ATP2B4: variants seen among roughly 807,000 people sequenced by gnomAD.
ATP2B4 encodes ATPase plasma membrane Ca2+ transporting 4.
ATP2B4 carries 39 observed loss-of-function variants against 110.3 expected under a neutral mutation model. The ratio of observed to expected loss-of-function variants is 0.35; its 90% CI spans 0.27 to 0.46. The LOEUF (loss-of-function observed/expected upper bound fraction) is 0.46. Among genes scored for constraint, ATP2B4 ranks in the 20% least tolerant of loss-of-function variants. The probability of loss-of-function intolerance (pLI) is 1.00; values close to 1 mark genes in which losing one functional copy is unlikely to be tolerated. For synonymous variants in ATP2B4, 538 were observed against 571.7 expected (o/e 0.94, Z 0.84); for missense variants, 1,135 against 1,530.9 (o/e 0.74, Z 4.32).
chr1:203,698,068 A>G, intron 2 of ATP2B4, 89 bp from the exon 3 acceptor site: 1 of 1,134,374 alleles, frequency 8.8e-7, no homozygotes, highest in Non-Finnish European at 1.3e-6. Context: ...GTGTAATGAC[A>G]TGATCATGGC....
intron 10 of ATP2B4, among the ~76,000 whole-genome samples, chr1:203,709,028 G>T (rs1156271387): frequency 1.3e-5 from 2 of 152,070 alleles, no homozygotes; most frequent in Admixed American, 6.5e-5. Flanking sequence ...ATGGTGGCAG[G>T]TACCTGTAGT....
intron 2 of ATP2B4, among the ~76,000 whole-genome samples, chr1:203,696,187 A>G (rs971316072): frequency 2.0e-5 from 3 of 152,004 alleles, no homozygotes; most frequent in African/African-American, 4.8e-5. Context: ...TTGGCCTCCC[A>G]AAGTGCTGGG....
At chr1:203,692,826 C>T (rs1665423272) in intron 2 of ATP2B4, among the ~76,000 whole-genome samples, 1 of 152,176 alleles carries the variant, frequency 6.6e-6, no homozygotes, top group African/African-American at 2.4e-5. Flanking sequence ...ACAAATATTC[C>T]ACTGCTGTTT....
At chr1:203,724,532 A>C (rs2102220876) in intron 19 of ATP2B4, among the ~76,000 whole-genome samples, 1 of 152,212 alleles carries the variant, frequency 6.6e-6, no homozygotes, top group Non-Finnish European at 1.5e-5. Flanking sequence ...GAAAAAAAAA[A>C]GAAAAATCCC....
chr1:203,724,990 G>A lies in ATP2B4; in HGVS notation c.3132+1002G>A. Among the ~76,000 whole-genome samples, 2 of 147,314 alleles carry A rather than the reference G, an allele frequency of 1.4e-5. 1 individual carries two copies. On this transcript the variant is annotated intron_variant, in intron 19 of 20. Transcript: ENST00000357681. Reference sequence around the variant, plus strand: ...CTCCTGGGTTCAAGCAATTTCTCCTGCCTCAGCCTCCCAAGTAGCTGGGAT... The same window carrying A: ...CTCCTGGGTTCAAGCAATTTCTCCTACCTCAGCCTCCCAAGTAGCTGGGAT...
intron 10 of ATP2B4, among the ~76,000 whole-genome samples, chr1:203,708,654 C>T (rs910016064): frequency 6.6e-6 from 1 of 152,052 alleles, no homozygotes; most frequent in Non-Finnish European, 1.5e-5. Context: ...CCCAGGAGTT[C>T]GAGACCAGCC....
intron 1 of ATP2B4, among the ~76,000 whole-genome samples, chr1:203,634,825 G>A (rs1663389209): frequency 6.6e-6 from 1 of 151,958 alleles, no homozygotes; most frequent in Non-Finnish European, 1.5e-5. Flanking sequence ...TATCATGCCT[G>A]GCTAATTTTC....
intron 2 of ATP2B4, among the ~76,000 whole-genome samples, chr1:203,688,293 G>A (rs908589543): frequency 6.7e-6 from 1 of 149,546 alleles, no homozygotes; most frequent in African/African-American, 2.5e-5. Flanking sequence ...ATGTTTTTTT[G>A]TTGTTGTTTT....
At chr1:203,662,129 T>C (rs1426380516) in intron 1 of ATP2B4, among the ~76,000 whole-genome samples, 1 of 152,032 alleles carries the variant, frequency 6.6e-6, no homozygotes, top group Non-Finnish European at 1.5e-5. Flanking sequence ...TTTCACACCA[T>C]TCTCCTGCCT....
At chr1:203,684,307 C>T (rs931539853) in intron 2 of ATP2B4, among the ~76,000 whole-genome samples, 1 of 151,354 alleles carries the variant, frequency 6.6e-6, no homozygotes, top group African/African-American at 2.4e-5. Flanking sequence ...CACTTGAGCC[C>T]AGGAGTTCCA....
At chr1:203,643,887 T>C (rs1663709452) in intron 1 of ATP2B4, among the ~76,000 whole-genome samples, 1 of 152,228 alleles carries the variant, frequency 6.6e-6, no homozygotes. Context: ...AGGAGAGTGA[T>C]GCTTTAGTCA....
intron 1 of ATP2B4, among the ~76,000 whole-genome samples, chr1:203,649,248 AATG>A (rs1663903223): frequency 6.6e-6 from 1 of 152,196 alleles, no homozygotes; most frequent in Non-Finnish European, 1.5e-5. Context: ...GTTAAGTGCG[AATG>A]ATGTGTTCAA....
chr1:203,641,371 C>T (rs1255592034), intron 1 of ATP2B4, among the ~76,000 whole-genome samples: 1 of 152,172 alleles, frequency 6.6e-6, no homozygotes, highest in Non-Finnish European at 1.5e-5. Flanking sequence ...CTAATCAGGC[C>T]TATCTTTTTC....
chr1:203,652,397 C>T (rs1242380710), intron 1 of ATP2B4, among the ~76,000 whole-genome samples: 3 of 152,142 alleles, frequency 2.0e-5, no homozygotes, highest in Admixed American at 6.5e-5. Flanking sequence ...CCTCCCACCT[C>T]GGCCTCCCAA....
intron 1 of ATP2B4, among the ~76,000 whole-genome samples, chr1:203,658,140 C>A (rs375247553): frequency 2.0e-5 from 3 of 151,906 alleles, no homozygotes; most frequent in African/African-American, 4.8e-5. Context: ...TAATAAATAA[C>A]CAGGAACTTG....
intron 13 of ATP2B4, among the ~76,000 whole-genome samples, chr1:203,712,952 A>C (rs1467133032): frequency 2.0e-5 from 3 of 152,092 alleles, no homozygotes; most frequent in Non-Finnish European, 2.9e-5. Flanking sequence ...TGGGAGGAAA[A>C]AGAAAAAAAG....
chr1:203,713,716 C>T (rs1188001692), intron 14 of ATP2B4, among the ~76,000 whole-genome samples: 1 of 152,298 alleles, frequency 6.6e-6, no homozygotes, highest in East Asian at 1.9e-4. Context: ...CCGCCCACCT[C>T]GGCCTCCCAA....
At chr1:203,655,126 C>A (rs1240652508) in intron 1 of ATP2B4, among the ~76,000 whole-genome samples, 1 of 152,056 alleles carries the variant, frequency 6.6e-6, no homozygotes, top group East Asian at 1.9e-4. Flanking sequence ...AAAACTTGAA[C>A]AAATGAGGAG....
chr1:203,698,018 T>G (rs1665583631), intron 2 of ATP2B4, 139 bp from the exon 3 acceptor site: 1 of 731,908 alleles, frequency 1.4e-6, no homozygotes, highest in Non-Finnish European at 2.3e-6. Flanking sequence ...TTATTTTATT[T>G]ATTTTTGAGA....
Sources: gnomAD v4.1 joint callset for allele counts (sites outside exome capture counted in the v4.1 genomes callset) on GRCh38, gnomAD v4.1.1 for gene constraint, MANE v1.5 for transcripts, NCBI Gene and HGNC (gene_info 2026-07-23, HGNC 2026-07-21) for gene names.